Variants in HAS2 observed in about 807,000 individuals in gnomAD.
HAS2 encodes the protein hyaluronan synthase 2, also known as HA synthase 2.
In HAS2, 16 loss-of-function variants were observed where a neutral mutation model predicts 51.6. The ratio of observed to expected loss-of-function variants is 0.31; its 90% CI spans 0.21 to 0.47. HAS2 has a LOEUF of 0.47. Among genes scored for constraint, HAS2 ranks in the 20% least tolerant of loss-of-function variants. The pLI, the probability that HAS2 is intolerant of heterozygous loss-of-function variation, is 1.00. For synonymous variants in HAS2, 228 were observed against 235.5 expected (o/e 0.97, Z 0.29); for missense variants, 361 against 662.6 (o/e 0.54, Z 5.00).
chr8:121,634,506 T>G (rs1035271480), intron 1 of HAS2, among the ~76,000 whole-genome samples: 11 of 151,870 alleles, frequency 7.2e-5, no homozygotes, highest in African/African-American at 2.4e-4. Context: ...AGAGTACACA[T>G]GCACATACTC....
In HAS2 at chr8:121,641,044, A is replaced by T. The variant is rs940917899; in HGVS notation, c.-192T>A. On this transcript the variant is annotated 5_prime_UTR_variant, in exon 1 of 4. Coordinates refer to ENST00000303924, the MANE Select transcript of HAS2 (RefSeq NM_005328.3). ...AGTCTTAAATGTTTGATTCTTCCCCACTTTAAAAAATAATTTCACTAATAT... is the reference window on the plus strand; with the variant it reads ...AGTCTTAAATGTTTGATTCTTCCCCTCTTTAAAAAATAATTTCACTAATAT... 6.6e-6 allele frequency: 1 copy of T among 151,682 alleles called. No individual in the cohort carries two copies. Among genetic ancestry groups the T allele is most frequent in the Non-Finnish European group, 1.5e-5 (1 of 67,974 alleles). 9.4% of individuals were successfully genotyped at this position (151,682 alleles called of 1,614,324 possible).
chr8:121,614,709 A>G lies in HAS2; in HGVS notation c.1059T>C (p.Arg353=), dbSNP rs764322685. 2.7e-5 allele frequency: 44 copies of G among 1,614,082 alleles called. No individual in the cohort carries two copies. The Admixed American group carries it at 6.8e-4, about 25-fold the overall frequency. ...ATTCTCGGAAGTAGGACTTGCTCCA[A>G]CGGGTCTGCTGGTTTAGCCATCTGA... ...EYLRWLNQQT[R]WSKSYFREWL... Residue 353 remains arginine (R), a synonymous_variant, in exon 4 of 4, where the codon CGT becomes CGC. Transcript: ENST00000303924. The surrounding 1 kb of genome is among the most constrained non-coding windows in gnomAD (Gnocchi z 7.2).
In HAS2 at chr8:121,612,816, C is replaced by T. The variant is rs1812654628; in HGVS notation, c.*1293G>A. On this transcript the variant is annotated 3_prime_UTR_variant, in exon 4 of 4. Coordinates refer to ENST00000303924, the MANE Select transcript of HAS2 (RefSeq NM_005328.3). Reference sequence around the variant, plus strand: ...CTGTGTAATTCAGAAAAACAAAATTCCTCATTTGAAAGTAAAAGAGGATAG... The same window carrying T: ...CTGTGTAATTCAGAAAAACAAAATTTCTCATTTGAAAGTAAAAGAGGATAG... 1 of 151,954 alleles carries T rather than the reference C, an allele frequency of 6.6e-6. No homozygotes were observed. The highest frequency in any genetic ancestry group is 1.5e-5 in the Non-Finnish European group (1 of 67,980). The allele number at this position is 151,954 out of a possible 1,614,324, so 9.4% of individuals were successfully genotyped here.
At position 121,613,984 on chromosome 8, in the gene HAS2, C is replaced by A; in HGVS notation, c.*125G>T. The A allele has an allele frequency of 6.9e-7, 1 of 1,452,562 alleles. No homozygotes were observed. The highest frequency in any genetic ancestry group is 1.2e-5 in the South Asian group (1 of 83,694). The allele number at this position is 1,452,562 out of a possible 1,614,324, so 90.0% of individuals were successfully genotyped here. ...AATGAAAATAAACCCATATAAATGT[C>A]TTTGTTCAAGTCCCAGCAGCAGTGA... On this transcript the variant is annotated 3_prime_UTR_variant, in exon 4 of 4. Coordinates refer to ENST00000303924, the MANE Select transcript of HAS2 (RefSeq NM_005328.3).
chr8:121,627,334 T>C (rs770914385), intron 2 of HAS2, among the ~76,000 whole-genome samples: 2 of 152,166 alleles, frequency 1.3e-5, no homozygotes, highest in Non-Finnish European at 2.9e-5. Context: ...TAACTGAAAC[T>C]ACCTTAACTT....
chr8:121,622,483 G>T (rs1417911580), intron 2 of HAS2, among the ~76,000 whole-genome samples: 1 of 152,026 alleles, frequency 6.6e-6, no homozygotes, highest in Non-Finnish European at 1.5e-5. Flanking sequence ...TAAGTTTGTT[G>T]TAATTAACTA....
rs148429340 is a variant in HAS2 at position 121,614,570 on chromosome 8, G to T, written c.1198C>A (p.Arg400=). The T allele has an allele frequency of 9.3e-6, 15 of 1,613,858 alleles. No homozygotes were observed. The highest frequency in any genetic ancestry group is 1.6e-4 in the Middle Eastern group (1 of 6,062). Residue 400 remains arginine, a synonymous_variant, in exon 4 of 4, where the codon CGG becomes AGG. Coordinates refer to ENST00000303924, the MANE Select transcript of HAS2 (RefSeq NM_005328.3). This position sits in a 1 kb window ranked among gnomAD's most constrained non-coding sequence, Gnocchi z 7.2. The part of the protein sequence containing the change: ...LIATVIQLFY[R]GKIWNILLFL... ...AGGAGAATGTTCCAAATTTTACCCCGGTAGAAGAGCTGGATTACTGTGGCA... is the reference window on the plus strand; with the variant it reads ...AGGAGAATGTTCCAAATTTTACCCCTGTAGAAGAGCTGGATTACTGTGGCA...
chr8:121,633,371 T>C (rs1340730799), intron 1 of HAS2, among the ~76,000 whole-genome samples: 2 of 152,194 alleles, frequency 1.3e-5, no homozygotes, highest in African/African-American at 2.4e-5. Context: ...CTTGAACTCC[T>C]GACCTCAGGT....
rs779351529 is a variant in HAS2, at chr8:121,614,108, A to C, written c.*1T>G. The C allele has an allele frequency of 6.2e-7, 1 of 1,613,934 alleles. No homozygotes were observed. ...GACTGCAAACGTCAAAACATGGAAG[A>C]TCATACATCAAGCACCATGTCATAT... On this transcript the variant is annotated 3_prime_UTR_variant, in exon 4 of 4. Transcript: ENST00000303924. The surrounding 1 kb of genome is among the most constrained non-coding windows in gnomAD (Gnocchi z 7.2).
At chr8:121,625,917 T>C (rs757609540) in intron 2 of HAS2, among the ~76,000 whole-genome samples, 2 of 152,148 alleles carry the variant, frequency 1.3e-5, no homozygotes, top group Non-Finnish European at 2.9e-5. Flanking sequence ...ATAAATTTGC[T>C]ACCACACTGG....
intron 1 of HAS2, among the ~76,000 whole-genome samples, chr8:121,637,549 C>T (rs768194282): frequency 6.6e-6 from 1 of 152,028 alleles, no homozygotes; most frequent in Non-Finnish European, 1.5e-5. Context: ...CACCACCACA[C>T]CTGGCTAATT....
At chr8:121,636,297 G>C (rs1189978530) in intron 1 of HAS2, among the ~76,000 whole-genome samples, 1 of 152,082 alleles carries the variant, frequency 6.6e-6, no homozygotes, top group Non-Finnish European at 1.5e-5. Flanking sequence ...GAGATAGGAG[G>C]ACCCAAATGA....
chr8:121,638,150 A>T (rs547723812), intron 1 of HAS2, among the ~76,000 whole-genome samples: 2 of 152,350 alleles, frequency 1.3e-5, no homozygotes, highest in African/African-American at 4.8e-5. Flanking sequence ...TTTTTTAAAA[A>T]TCTTACCTAG....
chr8:121,629,399 A>G, intron 1 of HAS2, 59 bp from the exon 2 acceptor site: 1 of 1,315,488 alleles, frequency 7.6e-7, no homozygotes. Flanking sequence ...CTTGTTATAT[A>G]CCTAGTATCA....
At chr8:121,635,902 T>C (rs145778444) in intron 1 of HAS2, among the ~76,000 whole-genome samples, 249 of 152,334 alleles carry the variant, frequency 1.6e-3, no homozygotes, top group African/African-American at 5.6e-3. Flanking sequence ...AATATTTATC[T>C]AGGCTGGTGA....
chr8:121,631,999 G>C (rs940444210), intron 1 of HAS2, among the ~76,000 whole-genome samples: 32 of 152,204 alleles, frequency 2.1e-4, no homozygotes, highest in African/African-American at 7.7e-4. Flanking sequence ...GCTGAAGTGG[G>C]AACACCCTCT....
At chr8:121,625,420 AATCT>A (rs1405018093) in intron 2 of HAS2, among the ~76,000 whole-genome samples, 1 of 152,096 alleles carries the variant, frequency 6.6e-6, no homozygotes, top group Non-Finnish European at 1.5e-5. Flanking sequence ...AACAGGTCAG[AATCT>A]ATCCATTTTT....
intron 1 of HAS2, among the ~76,000 whole-genome samples, chr8:121,637,175 T>G (rs1449974092): frequency 6.6e-6 from 1 of 152,194 alleles, no homozygotes; most frequent in Non-Finnish European, 1.5e-5. Flanking sequence ...ATTTTAAAAT[T>G]TCATTAAATA....
At chr8:121,619,654 C>T (rs1333092316) in intron 2 of HAS2, among the ~76,000 whole-genome samples, 1 of 152,088 alleles carries the variant, frequency 6.6e-6, no homozygotes, top group African/African-American at 2.4e-5. Context: ...AGAAGAATTC[C>T]CCCGAAAGTG....
Sources: gnomAD v4.1 joint callset for allele counts (sites outside exome capture counted in the v4.1 genomes callset) on GRCh38, gnomAD v4.1.1 for gene constraint, Gnocchi (gnomAD v3.1) non-coding constraint, MANE v1.5 for transcripts, NCBI Gene and HGNC (gene_info 2026-07-23, HGNC 2026-07-21) for gene names.